CHCHD6: variants seen among roughly 807,000 people sequenced by gnomAD.
CHCHD6 encodes the protein MICOS complex subunit MIC25.
In CHCHD6, 28 loss-of-function variants were observed where a neutral mutation model predicts 32.3. The observed-to-expected ratio is 0.87, with a 90% confidence interval of 0.64 to 1.19. The LOEUF (loss-of-function observed/expected upper bound fraction) is 1.19, where lower values mean the gene tolerates loss of function less well. Among genes scored for constraint, CHCHD6 ranks in the 50% most tolerant of loss-of-function variants. The pLI is 0.00. For synonymous variants in CHCHD6, 122 were observed against 117.5 expected, an observed-to-expected ratio of 1.04 and a Z score of -0.25; for missense variants, 333 against 307.0, an observed-to-expected ratio of 1.08 and a Z score of -0.63.
At chr3:126,948,697 T>G (rs1433993515) in intron 6 of CHCHD6, among the ~76,000 whole-genome samples, 1 of 152,238 alleles carries the variant, frequency 6.6e-6, no homozygotes, top group Non-Finnish European at 1.5e-5. Context: ...TGTCTTCTTC[T>G]GACAACAATT....
intron 5 of CHCHD6, among the ~76,000 whole-genome samples, chr3:126,909,140 G>A (rs1000189835): frequency 2.0e-5 from 3 of 152,258 alleles, no homozygotes; most frequent in African/African-American, 4.8e-5. Context: ...GTGAATGACT[G>A]CTGTTAACTT....
At chr3:126,759,171 C>G (rs1298944078) in intron 4 of CHCHD6, among the ~76,000 whole-genome samples, 1 of 152,230 alleles carries the variant, frequency 6.6e-6, no homozygotes, top group African/African-American at 2.4e-5. Flanking sequence ...CCCTACTACT[C>G]TTCTGAAATG....
intron 5 of CHCHD6, among the ~76,000 whole-genome samples, chr3:126,883,636 G>T (rs1010107345): frequency 6.6e-6 from 1 of 152,178 alleles, no homozygotes; most frequent in Admixed American, 6.5e-5. Context: ...TTTCTGCCCG[G>T]ATTACCAGCC....
intron 1 of CHCHD6, among the ~76,000 whole-genome samples, chr3:126,707,517 T>G (rs1047233048): frequency 1.3e-5 from 2 of 152,224 alleles, no homozygotes; most frequent in African/African-American, 4.8e-5. Context: ...GGCGCATATG[T>G]GTCTGCCTTC....
Position 126,778,064 on chromosome 3 carries a change from T to A in CHCHD6, c.411+44842T>A, listed in dbSNP as rs115176728. Among the ~76,000 whole-genome samples, 942 of 152,350 alleles carry A rather than the reference T, an allele frequency of 6.2e-3. 8 individuals carry two copies. Among genetic ancestry groups the A allele is most frequent in the African/African-American group, 0.021 (888 of 41,574 alleles). ...GTGACTAGCTTCTCATTTAGCATAA[T>A]GTGTTCAAGATTCACCTATGCTGTA... On this transcript the variant is annotated intron_variant, in intron 4 of 7. Transcript: ENST00000290913.
intron 4 of CHCHD6, among the ~76,000 whole-genome samples, chr3:126,758,207 A>G (rs1295124368): frequency 6.6e-6 from 1 of 152,198 alleles, no homozygotes; most frequent in African/African-American, 2.4e-5. Context: ...TGTATTGACA[A>G]TCTTTCTGTG....
rs531993654 is a variant in CHCHD6, at chr3:126,851,125, G to T, written c.412-1522G>T. 4.6e-5 allele frequency among the ~76,000 whole-genome samples: 7 copies of T among 152,308 alleles called. No homozygotes were observed. The East Asian group carries it at 1.4e-3, about 29-fold the overall frequency. ...CGATGTTAGAACTTAACTCTCAGGGGTTCAGCCAGCCACCCAAGCCCACTG... is the reference window on the plus strand; with the variant it reads ...CGATGTTAGAACTTAACTCTCAGGGTTTCAGCCAGCCACCCAAGCCCACTG... On this transcript the variant is annotated intron_variant, in intron 4 of 7. Coordinates refer to ENST00000290913, the MANE Select transcript of CHCHD6 (RefSeq NM_032343.3).
At chr3:126,782,549 A>G (rs551719099) in intron 4 of CHCHD6, among the ~76,000 whole-genome samples, 2 of 152,384 alleles carry the variant, frequency 1.3e-5, no homozygotes, top group African/African-American at 2.4e-5. Context: ...ATTTACTACA[A>G]GGATACAGGG....
intron 4 of CHCHD6, among the ~76,000 whole-genome samples, chr3:126,776,442 A>T (rs1937651217): frequency 6.6e-6 from 1 of 152,172 alleles, no homozygotes; most frequent in South Asian, 2.1e-4. Flanking sequence ...GGCTTCAGTT[A>T]TATTCCAGTC....
chr3:126,781,534 T>A (rs1461563487), intron 4 of CHCHD6, among the ~76,000 whole-genome samples: 1 of 152,246 alleles, frequency 6.6e-6, no homozygotes, highest in Non-Finnish European at 1.5e-5. Context: ...TCTGCTGGCC[T>A]CCTGCCTTGT....
chr3:126,791,344 C>T (rs1938530812), intron 4 of CHCHD6, among the ~76,000 whole-genome samples: 1 of 152,252 alleles, frequency 6.6e-6, no homozygotes, highest in African/African-American at 2.4e-5. Flanking sequence ...CTACTCTCTT[C>T]AAAGCTGTCA....
chr3:126,764,218 T>TAC (rs1937272779), intron 4 of CHCHD6, among the ~76,000 whole-genome samples: 1 of 147,380 alleles, frequency 6.8e-6, no homozygotes. Flanking sequence ...TATATATATA[T>TAC]ATATATAAAT....
chr3:126,739,655 A>G (rs1936204974), intron 4 of CHCHD6, among the ~76,000 whole-genome samples: 1 of 152,244 alleles, frequency 6.6e-6, no homozygotes, highest in Non-Finnish European at 1.5e-5. Context: ...TTCTGGAGAC[A>G]GCCCAGTGGG....
intron 6 of CHCHD6, among the ~76,000 whole-genome samples, chr3:126,941,574 G>A (rs1476979517): frequency 6.6e-6 from 1 of 152,146 alleles, no homozygotes; most frequent in African/African-American, 2.4e-5. Flanking sequence ...GGGGATAAGT[G>A]CGTCCTTTTG....
intron 5 of CHCHD6, among the ~76,000 whole-genome samples, chr3:126,876,229 A>T (rs1389703832): frequency 6.6e-6 from 1 of 152,266 alleles, no homozygotes; most frequent in African/African-American, 2.4e-5. Flanking sequence ...TCACATATTC[A>T]GGGACCCCAG....
chr3:126,859,864 AAG>A (rs1941797398), intron 5 of CHCHD6, among the ~76,000 whole-genome samples: 2 of 152,200 alleles, frequency 1.3e-5, no homozygotes, highest in African/African-American at 4.8e-5. Context: ...ATTGAGGACG[AAG>A]TGAGGCCTCG....
At chr3:126,819,054 C>T (rs998382861) in intron 4 of CHCHD6, among the ~76,000 whole-genome samples, 1 of 152,210 alleles carries the variant, frequency 6.6e-6, no homozygotes, top group Non-Finnish European at 1.5e-5. Flanking sequence ...TGGCTGTCCC[C>T]ACCCCATGCA....
intron 4 of CHCHD6, among the ~76,000 whole-genome samples, chr3:126,770,380 A>T (rs1937522088): frequency 6.6e-6 from 1 of 152,182 alleles, no homozygotes; most frequent in Non-Finnish European, 1.5e-5. Flanking sequence ...AATAGAAGTG[A>T]TCAGAAAGGA....
At chr3:126,952,365 G>A (rs556513276) in intron 6 of CHCHD6, among the ~76,000 whole-genome samples, 1 of 152,310 alleles carries the variant, frequency 6.6e-6, no homozygotes, top group African/African-American at 2.4e-5. Context: ...AGCCACATCT[G>A]GTCCATGTGG....
Sources: gnomAD v4.1 joint callset for allele counts (sites outside exome capture counted in the v4.1 genomes callset) on GRCh38, gnomAD v4.1.1 for gene constraint, MANE v1.5 for transcripts, NCBI Gene and HGNC (gene_info 2026-07-23, HGNC 2026-07-21) for gene names.